Variants in CSMD1 observed in about 807,000 individuals in gnomAD.
CSMD1 encodes CUB and Sushi multiple domains 1.
CSMD1 carries 213 observed loss-of-function variants against 417.5 expected under a neutral mutation model. The ratio of observed to expected loss-of-function variants is 0.51; its 90% CI spans 0.46 to 0.57. The LOEUF is 0.57. CSMD1 is among the 20% of genes least tolerant of loss of function. CSMD1 has a pLI of 0.00. For missense variants in CSMD1, 6,923 were observed against 4,529.7 expected, an observed-to-expected ratio of 1.53 and a Z score of -15.17; for synonymous variants, 2,862 against 1,736.8, an observed-to-expected ratio of 1.65 and a Z score of -16.11.
intron 30 of CSMD1, among the ~76,000 whole-genome samples, chr8:3,210,982 C>T (rs1221244225): frequency 1.3e-5 from 2 of 151,988 alleles, no homozygotes; most frequent in Admixed American, 6.6e-5. Context: ...GAAAAATACA[C>T]CAGGGGATGC....
rs60411612 is a variant in CSMD1 at position 4,042,815 on chromosome 8, T to TAAA, written c.416-10719_416-10717dup. On this transcript the variant is annotated intron_variant, in intron 3 of 69. Coordinates refer to ENST00000635120, the MANE Select transcript of CSMD1 (RefSeq NM_033225.6). ...CAATAGGTGAAGTGGTACAACATAT[T>TAAA]AAAAAAAAAAAAAAAAAAAAAAAAA... 5.3e-3 allele frequency among the ~76,000 whole-genome samples: 218 copies of TAAA among 41,310 alleles called. 23 individuals are homozygous for TAAA. Among genetic ancestry groups the TAAA allele is most frequent in the African/African-American group, 0.02 (204 of 10,344 alleles). 27.1% of individuals were successfully genotyped at this position (41,310 alleles called of 152,430 possible).
At chr8:4,764,045 T>G (rs1415629550) in intron 1 of CSMD1, among the ~76,000 whole-genome samples, 2 of 152,162 alleles carry the variant, frequency 1.3e-5, no homozygotes, top group Non-Finnish European at 2.9e-5. Flanking sequence ...TGCCCATGAA[T>G]TACGCTGGCA....
intron 1 of CSMD1, among the ~76,000 whole-genome samples, chr8:4,986,677 A>T (rs546358999): frequency 1.3e-5 from 2 of 152,286 alleles, no homozygotes; most frequent in African/African-American, 2.4e-5. Context: ...TAATATAAAC[A>T]TTATGGACAA....
chr8:3,552,486 C>T (rs748765171), intron 10 of CSMD1, among the ~76,000 whole-genome samples: 1 of 152,202 alleles, frequency 6.6e-6, no homozygotes, highest in African/African-American at 2.4e-5. Context: ...TGATAACTGC[C>T]TTTCTATCTC....
chr8:4,008,462 G>T (rs757570477), intron 4 of CSMD1, among the ~76,000 whole-genome samples: 1 of 151,582 alleles, frequency 6.6e-6, no homozygotes, highest in Non-Finnish European at 1.5e-5. Flanking sequence ...TTAAATAAAT[G>T]CTATTTAAAA....
intron 1 of CSMD1, among the ~76,000 whole-genome samples, chr8:4,756,894 C>G (rs915083610): frequency 2.0e-5 from 3 of 152,150 alleles, no homozygotes; most frequent in Admixed American, 2.0e-4. Flanking sequence ...ACTTGGCAGT[C>G]CAAATCATCC....
At chr8:3,972,401 A>G (rs1019651971) in intron 5 of CSMD1, among the ~76,000 whole-genome samples, 1 of 152,226 alleles carries the variant, frequency 6.6e-6, no homozygotes, top group African/African-American at 2.4e-5. Flanking sequence ...CAAGTATATT[A>G]GAAAGTCAAG....
At chr8:3,338,336 C>G (rs934796283) in intron 23 of CSMD1, among the ~76,000 whole-genome samples, 1 of 152,140 alleles carries the variant, frequency 6.6e-6, no homozygotes, top group South Asian at 2.1e-4. Flanking sequence ...AGAACGGAAA[C>G]TAGCAAGTGA....
At chr8:3,948,320 G>T (rs1428836177) in intron 5 of CSMD1, among the ~76,000 whole-genome samples, 2 of 152,108 alleles carry the variant, frequency 1.3e-5, no homozygotes, top group African/African-American at 4.8e-5. Context: ...AAGAGTATAA[G>T]GGGCTTAGAA....
chr8:3,826,086 C>G (rs1802039254), intron 5 of CSMD1, among the ~76,000 whole-genome samples: 1 of 152,092 alleles, frequency 6.6e-6, no homozygotes, highest in African/African-American at 2.4e-5. Flanking sequence ...CCAAGCTATA[C>G]ACAACTATGC....
chr8:4,173,680 G>C (rs1283708411), intron 3 of CSMD1, among the ~76,000 whole-genome samples: 49 of 152,018 alleles, frequency 3.2e-4, no homozygotes, highest in Admixed American at 3.2e-3. Context: ...AACTGTAGTA[G>C]GAAAATTTCT....
At chr8:3,405,961 G>T in intron 15 of CSMD1, 66 bp downstream of exon 15, 1 of 1,479,164 alleles carries the variant, frequency 6.8e-7, no homozygotes, top group Non-Finnish European at 9.3e-7. Flanking sequence ...TTGTTGGTTT[G>T]TGTGTGTGCC....
intron 3 of CSMD1, among the ~76,000 whole-genome samples, chr8:4,308,930 C>G (rs6984095): frequency 0.17 from 25,794 of 152,122 alleles, 4,286 homozygotes; most frequent in African/African-American, 0.43. Flanking sequence ...ATTTATTTCT[C>G]CTTTTTTAAA....
intron 41 of CSMD1, among the ~76,000 whole-genome samples, chr8:3,137,333 T>C (rs987408007): frequency 1.3e-5 from 2 of 152,230 alleles, no homozygotes; most frequent in African/African-American, 4.8e-5. Context: ...AGGCAAGCCC[T>C]GCACAGGTGC....
chr8:4,364,216 A>T (rs1030313459), intron 3 of CSMD1, among the ~76,000 whole-genome samples: 1 of 152,208 alleles, frequency 6.6e-6, no homozygotes, highest in Non-Finnish European at 1.5e-5. Context: ...TATTGTAAAA[A>T]TAAGTAGTTA....
rs147807228 is a variant in CSMD1 at position 3,989,138 on chromosome 8, G to A, written c.818+8765C>T. Reference sequence around the variant, plus strand: ...TTATAGAAATTGCTATGTGGGGCGGGCATTTTGCTAAGGGTTTTCCAAGCG... The same window carrying A: ...TTATAGAAATTGCTATGTGGGGCGGACATTTTGCTAAGGGTTTTCCAAGCG... On this transcript the variant is annotated intron_variant, in intron 5 of 69. Coordinates refer to ENST00000635120, the MANE Select transcript of CSMD1 (RefSeq NM_033225.6). 4.8e-4 allele frequency among the ~76,000 whole-genome samples: 73 copies of A among 152,304 alleles called. 1 individual carries two copies. The highest frequency in any genetic ancestry group is 7.6e-4 in the Non-Finnish European group (52 of 68,034).
Position 4,635,876 on chromosome 8 carries a change from G to C in CSMD1, c.302+1466C>G, listed in dbSNP as rs938344356. On this transcript the variant is annotated intron_variant, in intron 2 of 69. Transcript: ENST00000635120. ...GAAAGCTTACCTGTTTCAGAAAAGA[G>C]ACGGCCATTCTACTATGTATGAAAG... Among the ~76,000 whole-genome samples, 8 of 152,126 alleles carry C rather than the reference G, an allele frequency of 5.3e-5. No individual in the cohort carries two copies. In the East Asian group the frequency reaches 1.5e-3, roughly 29 times the overall value.
intron 10 of CSMD1, among the ~76,000 whole-genome samples, chr8:3,505,398 T>C (rs1796782070): frequency 6.6e-6 from 1 of 152,140 alleles, no homozygotes; most frequent in Non-Finnish European, 1.5e-5. Context: ...TTGAAGTTTC[T>C]TGAGAAATAA....
At chr8:3,326,105 G>C (rs1041323648) in intron 23 of CSMD1, among the ~76,000 whole-genome samples, 1 of 152,236 alleles carries the variant, frequency 6.6e-6, no homozygotes. Context: ...AGAATGCTTG[G>C]CTTCTTCCCA....
Sources: allele counts gnomAD v4.1 joint callset (sites outside exome capture counted in the v4.1 genomes callset), GRCh38; gene constraint gnomAD v4.1.1; transcripts MANE v1.5; gene names NCBI Gene and HGNC (gene_info 2026-07-23, HGNC 2026-07-21).